The following SLC35F1 variants were observed in gnomAD, a reference collection of about 807,000 sequenced individuals.
The protein encoded by SLC35F1 is solute carrier family 35 member F1.
A neutral mutation model predicts 48.7 loss-of-function variants in SLC35F1; 14 were observed. The observed-to-expected ratio is 0.29, with a 90% CI of 0.19 to 0.45. The LOEUF (loss-of-function observed/expected upper bound fraction) is 0.45. SLC35F1 is among the 20% of genes least tolerant of loss of function. SLC35F1 has a pLI of 1.00. For synonymous variants in SLC35F1, 190 were observed against 202.2 expected (o/e 0.94, Z 0.51); for missense variants, 404 against 500.0 (o/e 0.81, Z 1.83).
intron 1 of SLC35F1, among the ~76,000 whole-genome samples, chr6:118,039,524 T>C (rs1476650551): frequency 1.3e-5 from 2 of 152,032 alleles, no homozygotes; most frequent in Non-Finnish European, 2.9e-5. Context: ...TGAGGTTTGT[T>C]CATTCTTTTT....
At chr6:118,111,104 TAA>T (rs1387259340) in intron 1 of SLC35F1, among the ~76,000 whole-genome samples, 2 of 152,078 alleles carry the variant, frequency 1.3e-5, no homozygotes, top group Non-Finnish European at 2.9e-5. Flanking sequence ...GAGATAACTA[TAA>T]AAGGTATATC....
chr6:118,250,378 T>C (rs1775557701), intron 3 of SLC35F1, among the ~76,000 whole-genome samples: 1 of 152,222 alleles, frequency 6.6e-6, no homozygotes, highest in Non-Finnish European at 1.5e-5. Flanking sequence ...TCCATAAATA[T>C]TTTTGAATGA....
chr6:118,044,843 C>G (rs1007480597), intron 1 of SLC35F1, among the ~76,000 whole-genome samples: 1 of 152,154 alleles, frequency 6.6e-6, no homozygotes, highest in African/African-American at 2.4e-5. Context: ...TTTCCTAGCA[C>G]TTCATCGTGG....
chr6:118,205,983 A>G (rs1774930844), intron 2 of SLC35F1, among the ~76,000 whole-genome samples: 1 of 152,162 alleles, frequency 6.6e-6, no homozygotes, highest in Admixed American at 6.5e-5. Flanking sequence ...GGACTGGGGA[A>G]GGGGGACATA....
chr6:118,230,669 C>T (rs939297486), intron 2 of SLC35F1, among the ~76,000 whole-genome samples: 1 of 152,078 alleles, frequency 6.6e-6, no homozygotes, highest in Admixed American at 6.6e-5. Context: ...AAAACAGGAG[C>T]CTAAAAGATA....
intron 2 of SLC35F1, among the ~76,000 whole-genome samples, chr6:118,197,553 C>T (rs893577043): frequency 3.9e-5 from 6 of 152,146 alleles, no homozygotes; most frequent in African/African-American, 1.2e-4. Context: ...AATATTAACA[C>T]GATAAAAGAG....
chr6:118,216,917 A>G (rs535921049), intron 2 of SLC35F1, among the ~76,000 whole-genome samples: 1 of 152,250 alleles, frequency 6.6e-6, no homozygotes, highest in South Asian at 2.1e-4. Flanking sequence ...CCCTTTTCAC[A>G]TAGAGTGGCC....
chr6:117,923,512 T>C lies in SLC35F1; in HGVS notation c.173+15613T>C, dbSNP rs12111499. On this transcript the variant is annotated intron_variant, in intron 1 of 7. Transcript: ENST00000360388. ...TATATATAAAATATATATATACACA[T>C]ACATGTGTATATACACATATATGGA... Among the ~76,000 whole-genome samples, 25 of 44,502 alleles carry C rather than the reference T, an allele frequency of 5.6e-4. 1 individual carries two copies. The highest frequency in any genetic ancestry group is 2.7e-3 in the Admixed American group (11 of 4,114). The allele number at this position is 44,502 out of a possible 152,430, so 29.2% of individuals were successfully genotyped here. A position where few individuals can be genotyped will look rare whatever the true frequency, so the allele number is the denominator to read the frequency against.
Position 118,182,502 on chromosome 6 carries a change from GAA to G in SLC35F1, c.349+27884_349+27885del, listed in dbSNP as rs1385554866. Among the ~76,000 whole-genome samples, 10 of 101,014 alleles carry G rather than the reference GAA, an allele frequency of 9.9e-5. No homozygotes were observed. The East Asian group carries it at 1.8e-3, about 18-fold the overall frequency. The allele number at this position is 101,014 out of a possible 152,430, so 66.3% of individuals were successfully genotyped here. ...GTGAGACCCTGTCAAAAAAAAAAAAGAAAGAGAGAGAGAGAGAGAAGGAAGGA... is the reference window on the plus strand; with the variant it reads ...GTGAGACCCTGTCAAAAAAAAAAAAGAGAGAGAGAGAGAGAGAAGGAAGGA... On this transcript the variant is annotated intron_variant, in intron 2 of 7. Transcript: ENST00000360388.
At chr6:118,091,678 G>C (rs546616031) in intron 1 of SLC35F1, among the ~76,000 whole-genome samples, 1 of 152,192 alleles carries the variant, frequency 6.6e-6, no homozygotes, top group Non-Finnish European at 1.5e-5. Context: ...CTGAAAATGT[G>C]GAAGAAACTT....
chr6:117,929,447 GTATT>G (rs1268928650), intron 1 of SLC35F1, among the ~76,000 whole-genome samples: 1 of 120,774 alleles, frequency 8.3e-6, no homozygotes, highest in Non-Finnish European at 1.8e-5. Context: ...ATATGTGTAT[GTATT>G]TATGTGTGTG....
chr6:117,933,649 C>T (rs1776129430), intron 1 of SLC35F1, among the ~76,000 whole-genome samples: 1 of 152,158 alleles, frequency 6.6e-6, no homozygotes, highest in Non-Finnish European at 1.5e-5. Context: ...GAGAAAGCTG[C>T]TTTTGTGCTC....
At position 117,986,855 on chromosome 6, in the gene SLC35F1, G is replaced by T. The variant is rs909624616; in HGVS notation, c.173+78956G>T. 2.0e-5 allele frequency among the ~76,000 whole-genome samples: 3 copies of T among 152,196 alleles called. No individual in the cohort carries two copies. In the South Asian group the frequency reaches 6.2e-4, roughly 31 times the overall value. Reference sequence around the variant, plus strand: ...ACTGGCAGCTCCTACTGCTGGAGATGATTTCCAGCAGCCTGTGTTGGGCCT... The same window carrying T: ...ACTGGCAGCTCCTACTGCTGGAGATTATTTCCAGCAGCCTGTGTTGGGCCT... On this transcript the variant is annotated intron_variant, in intron 1 of 7. Transcript: ENST00000360388.
chr6:117,957,446 A>C (rs1470882214), intron 1 of SLC35F1, among the ~76,000 whole-genome samples: 5 of 152,222 alleles, frequency 3.3e-5, no homozygotes, highest in Admixed American at 6.5e-5. Flanking sequence ...CCAAGCATCC[A>C]AAAAGCTTGA....
At chr6:118,051,268 A>G (rs976293048) in intron 1 of SLC35F1, among the ~76,000 whole-genome samples, 1 of 152,150 alleles carries the variant, frequency 6.6e-6, no homozygotes, top group African/African-American at 2.4e-5. Context: ...TTTTCCAAAA[A>G]AGAAGCTCAA....
intron 1 of SLC35F1, among the ~76,000 whole-genome samples, chr6:117,983,358 C>T (rs545185483): frequency 2.6e-5 from 4 of 152,138 alleles, no homozygotes; most frequent in Admixed American, 1.3e-4. Flanking sequence ...TGGCGGATCA[C>T]GAGGTCAGGA....
intron 1 of SLC35F1, among the ~76,000 whole-genome samples, chr6:118,114,904 C>T (rs1180722346): frequency 2.6e-5 from 4 of 152,152 alleles, no homozygotes; most frequent in Non-Finnish European, 4.4e-5. Flanking sequence ...TATATAATTG[C>T]ATCACACTGT....
chr6:118,221,774 T>C (rs1447414450), intron 2 of SLC35F1, among the ~76,000 whole-genome samples: 2 of 152,208 alleles, frequency 1.3e-5, no homozygotes, highest in East Asian at 3.8e-4. Flanking sequence ...TCACCATTTC[T>C]CCCTTCCTGT....
chr6:118,091,980 G>A (rs1773080488), intron 1 of SLC35F1, among the ~76,000 whole-genome samples: 1 of 152,164 alleles, frequency 6.6e-6, no homozygotes, highest in African/African-American at 2.4e-5. Flanking sequence ...AGGGTATCTG[G>A]CAGAAGAAAT....
Sources: gnomAD v4.1 joint callset for allele counts (sites outside exome capture counted in the v4.1 genomes callset) on GRCh38, gnomAD v4.1.1 for gene constraint, MANE v1.5 for transcripts, NCBI Gene and HGNC (gene_info 2026-07-23, HGNC 2026-07-21) for gene names.